GPHN: variants seen among roughly 807,000 people sequenced by gnomAD.
The protein encoded by GPHN is gephyrin.
A neutral mutation model predicts 95.5 loss-of-function variants in GPHN; 17 were observed. That is an observed-to-expected ratio of 0.18 (90% confidence interval 0.12 to 0.27). GPHN has a LOEUF of 0.27. GPHN is among the 10% of genes least tolerant of loss of function. The pLI is 1.00. For synonymous variants in GPHN, 320 were observed against 322.5 expected, an observed-to-expected ratio of 0.99 and a Z score of 0.08; for missense variants, 660 against 978.1, an observed-to-expected ratio of 0.67 and a Z score of 4.34.
chr14:66,869,371 CTT>C (rs1196220409), intron 4 of GPHN, among the ~76,000 whole-genome samples: 1 of 152,138 alleles, frequency 6.6e-6, no homozygotes, highest in Non-Finnish European at 1.5e-5. Context: ...GTATCTTTCT[CTT>C]GTTATATTTG....
the GPHN span, among the ~76,000 whole-genome samples, chr14:67,458,964 T>G: frequency 6.6e-6 from 1 of 152,356 alleles, no homozygotes; most frequent in East Asian, 1.9e-4. Flanking sequence ...CTTGGCCCAC[T>G]GCAACCTCCG....
chr14:67,526,597 A>C, the GPHN span, among the ~76,000 whole-genome samples: 1 of 152,232 alleles, frequency 6.6e-6, no homozygotes. Context: ...CATAGTTTAA[A>C]GTCTCCACTT....
At chr14:67,672,447 C>CTT in the GPHN span, among the ~76,000 whole-genome samples, 26,560 of 116,636 alleles carry the variant, frequency 0.23, 3,502 homozygotes, top group Non-Finnish European at 0.31. Flanking sequence ...CTTTTCTTTT[C>CTT]TTTTTTTTTT....
At chr14:66,736,844 A>G (rs1370301070) in intron 2 of GPHN, among the ~76,000 whole-genome samples, 1 of 152,052 alleles carries the variant, frequency 6.6e-6, no homozygotes, top group Non-Finnish European at 1.5e-5. Flanking sequence ...TATCTCAACC[A>G]TTCTCCACAT....
At chr14:67,417,568 A>T in the GPHN span, among the ~76,000 whole-genome samples, 1 of 151,592 alleles carries the variant, frequency 6.6e-6, no homozygotes, top group African/African-American at 2.4e-5. Flanking sequence ...AGTAGCTGAG[A>T]CTATATGCAT....
At chr14:67,340,101 C>G in the GPHN span, 1 of 200,226 alleles carries the variant, frequency 5.0e-6, no homozygotes, top group Non-Finnish European at 1.0e-5. Flanking sequence ...CTCTCTATTA[C>G]GCACAATCAG....
the GPHN span, among the ~76,000 whole-genome samples, chr14:67,518,197 G>A: frequency 2.0e-5 from 3 of 152,160 alleles, no homozygotes; most frequent in Admixed American, 6.5e-5. Context: ...CTTTGCCTTC[G>A]TGTCTTGTCA....
At chr14:67,405,224 CAAA>C in the GPHN span, among the ~76,000 whole-genome samples, 1 of 40,494 alleles carries the variant, frequency 2.5e-5, no homozygotes, top group Non-Finnish European at 5.4e-5. Context: ...GAGTCCATCT[CAAA>C]AAAAAAAAAA....
intron 1 of GPHN, among the ~76,000 whole-genome samples, chr14:66,516,278 A>G (rs2058243869): frequency 6.6e-6 from 1 of 151,296 alleles, no homozygotes; most frequent in South Asian, 2.1e-4. Flanking sequence ...TTAGCCTCCC[A>G]AAGTGCTGGG....
At chr14:67,280,880 CCTT>C in the GPHN span, among the ~76,000 whole-genome samples, 2 of 134,174 alleles carry the variant, frequency 1.5e-5, no homozygotes, top group African/African-American at 5.6e-5. Context: ...TCCCTCCCTC[CCTT>C]TTCTTTCTTT....
intron 9 of GPHN, among the ~76,000 whole-genome samples, chr14:66,982,041 T>C (rs1429407608): frequency 6.6e-6 from 1 of 152,154 alleles, no homozygotes; most frequent in Non-Finnish European, 1.5e-5. Context: ...GATATGTGAG[T>C]GTACCTTAAT....
chr14:67,722,642 G>A, the GPHN span: 5 of 1,613,614 alleles, frequency 3.1e-6, no homozygotes, highest in African/African-American at 4.0e-5. Flanking sequence ...AAGTTGGAAC[G>A]ATGCTGGTCA....
chr14:67,139,917 A>G (rs1377070311), intron 17 of GPHN, among the ~76,000 whole-genome samples: 1 of 152,178 alleles, frequency 6.6e-6, no homozygotes, highest in East Asian at 1.9e-4. Context: ...TATACTACCC[A>G]CAGAGTACAA....
the GPHN span, chr14:67,693,109 G>C: frequency 8.3e-7 from 1 of 1,209,014 alleles, no homozygotes. Context: ...CAGCCAGTAG[G>C]TTCCTGCAAC....
chr14:67,698,744 C>T, the GPHN span, among the ~76,000 whole-genome samples: 1 of 152,152 alleles, frequency 6.6e-6, no homozygotes, highest in Admixed American at 6.5e-5. Flanking sequence ...AGGATTTGGT[C>T]TCTGTTGCAG....
At chr14:67,242,478 G>A in the GPHN span, among the ~76,000 whole-genome samples, 1 of 152,188 alleles carries the variant, frequency 6.6e-6, no homozygotes, top group African/African-American at 2.4e-5. Flanking sequence ...TTTAATGATA[G>A]TTTACTAATT....
the GPHN span, among the ~76,000 whole-genome samples, chr14:67,683,855 C>T: frequency 0.1 from 15,863 of 152,246 alleles, 912 homozygotes; most frequent in Middle Eastern, 0.21. Flanking sequence ...TTAAGCTAGA[C>T]AAAGTCCCTT....
chr14:66,982,236 C>T (rs775209993), intron 9 of GPHN, among the ~76,000 whole-genome samples: 4 of 151,974 alleles, frequency 2.6e-5, no homozygotes, highest in Non-Finnish European at 5.9e-5. Flanking sequence ...TGGTAGAAAT[C>T]GTTTTCAGTG....
chr14:67,436,639 C>A, the GPHN span, among the ~76,000 whole-genome samples: 2 of 152,216 alleles, frequency 1.3e-5, no homozygotes, highest in South Asian at 4.1e-4. Flanking sequence ...CTCACTGCCA[C>A]GCCCAGTCCT....
Sources: gnomAD v4.1 joint callset for allele counts (sites outside exome capture counted in the v4.1 genomes callset) on GRCh38, gnomAD v4.1.1 for gene constraint, MANE v1.5 for transcripts, NCBI Gene and HGNC (gene_info 2026-07-23, HGNC 2026-07-21) for gene names.